Variants in RCAN2 observed in about 807,000 individuals in gnomAD.
The protein encoded by RCAN2 is calcipressin-2.
In RCAN2, 9 loss-of-function variants were observed where a neutral mutation model predicts 23.6. The ratio of observed to expected loss-of-function variants is 0.38; its 90% confidence interval spans 0.23 to 0.67. The LOEUF (loss-of-function observed/expected upper bound fraction) is 0.67, where lower values mean the gene tolerates loss of function less well. Ranked by LOEUF, RCAN2 falls within the 30% of genes least tolerant of loss-of-function variation. The pLI is 0.51. For synonymous variants in RCAN2, 109 were observed against 115.7 expected, an observed-to-expected ratio of 0.94 and a Z score of 0.37; for missense variants, 273 against 302.3, an observed-to-expected ratio of 0.90 and a Z score of 0.72.
At chr6:46,454,847 G>A (rs1767974109) in intron 2 of RCAN2, among the ~76,000 whole-genome samples, 1 of 152,116 alleles carries the variant, frequency 6.6e-6, no homozygotes, top group Admixed American at 6.5e-5. Context: ...AGACTCCCAT[G>A]AACTCCCCCC....
intron 2 of RCAN2, among the ~76,000 whole-genome samples, chr6:46,319,795 A>G (rs1324138286): frequency 6.6e-6 from 1 of 152,194 alleles, no homozygotes; most frequent in Non-Finnish European, 1.5e-5. Context: ...AAATGGCCTC[A>G]ATTCTAGTCC....
chr6:46,243,069 G>A (rs983040961), intron 4 of RCAN2, among the ~76,000 whole-genome samples: 1 of 152,176 alleles, frequency 6.6e-6, no homozygotes, highest in African/African-American at 2.4e-5. Context: ...GGAGACTGAA[G>A]GAGCAACCTC....
At chr6:46,290,091 G>A (rs1762498799) in intron 2 of RCAN2, among the ~76,000 whole-genome samples, 9 of 151,972 alleles carry the variant, frequency 5.9e-5, no homozygotes, top group Admixed American at 5.9e-4. Context: ...GTGGGGCAAA[G>A]CTACCGACCC....
intron 2 of RCAN2, among the ~76,000 whole-genome samples, chr6:46,296,883 G>T (rs1016321998): frequency 6.6e-6 from 1 of 152,058 alleles, no homozygotes; most frequent in Non-Finnish European, 1.5e-5. Flanking sequence ...TTTTAATGGA[G>T]TAGCCACAAT....
intron 2 of RCAN2, among the ~76,000 whole-genome samples, chr6:46,284,330 G>A (rs151128629): frequency 1.8e-3 from 277 of 152,240 alleles, no homozygotes; most frequent in African/African-American, 6.3e-3. Context: ...AGGGATGTGG[G>A]GGTGTAATTG....
In RCAN2 at chr6:46,392,063, T is replaced by C. The variant is rs530335378; in HGVS notation, c.225+64689A>G. 4.4e-4 allele frequency among the ~76,000 whole-genome samples: 67 copies of C among 152,318 alleles called. 1 individual carries two copies. In the South Asian group the frequency reaches 0.013, roughly 29 times the overall value. On this transcript the variant is annotated intron_variant, in intron 2 of 4. Coordinates refer to ENST00000371374, the MANE Select transcript of RCAN2 (RefSeq NM_001251974.2). ...ATAAATGCCACAAAGATTTATGAGA[T>C]GTCATTAATTACAAGCTTAATAGGC...
intron 2 of RCAN2, among the ~76,000 whole-genome samples, chr6:46,407,022 A>C (rs1027309346): frequency 6.6e-6 from 1 of 152,176 alleles, no homozygotes; most frequent in Non-Finnish European, 1.5e-5. Context: ...CAAAACCCCA[A>C]AGCAAAGTCT....
At chr6:46,317,757 G>T (rs1004917592) in intron 2 of RCAN2, among the ~76,000 whole-genome samples, 1 of 152,144 alleles carries the variant, frequency 6.6e-6, no homozygotes, top group Non-Finnish European at 1.5e-5. Flanking sequence ...AAGGCACCGC[G>T]CCCGGCCTAT....
chr6:46,243,740 G>T (rs1440585012), intron 4 of RCAN2, among the ~76,000 whole-genome samples: 2 of 150,136 alleles, frequency 1.3e-5, no homozygotes, highest in African/African-American at 4.9e-5. Context: ...AACCCGGGAG[G>T]AGGAGGTTGC....
At chr6:46,390,518 C>T (rs9381447) in intron 2 of RCAN2, among the ~76,000 whole-genome samples, 62,041 of 152,080 alleles carry the variant, frequency 0.41, 15,615 homozygotes, top group East Asian at 0.59. Flanking sequence ...ACATTTGGAA[C>T]TTTCCTACGT....
At chr6:46,340,120 T>C (rs1013540851) in intron 2 of RCAN2, among the ~76,000 whole-genome samples, 2 of 152,216 alleles carry the variant, frequency 1.3e-5, no homozygotes, top group African/African-American at 4.8e-5. Context: ...ATCACATCTT[T>C]GCTTCCTTTC....
At chr6:46,255,463 A>G (rs1020822349) in intron 2 of RCAN2, among the ~76,000 whole-genome samples, 1 of 152,228 alleles carries the variant, frequency 6.6e-6, no homozygotes, top group African/African-American at 2.4e-5. Flanking sequence ...TAGGAATGAC[A>G]TAGTGGGAAA....
intron 2 of RCAN2, among the ~76,000 whole-genome samples, chr6:46,259,321 G>A (rs1275045054): frequency 6.6e-6 from 1 of 152,156 alleles, no homozygotes; most frequent in African/African-American, 2.4e-5. Context: ...TGAATACAAT[G>A]CTAGGGCTCT....
intron 3 of RCAN2, 135 bp downstream of exon 3, chr6:46,248,588 T>C (rs1304600682): frequency 1.5e-6 from 1 of 689,298 alleles, no homozygotes; most frequent in Non-Finnish European, 2.3e-6. Context: ...GAAATCATGA[T>C]GTGGGTCTAT....
At chr6:46,429,579 G>A (rs1204136993) in intron 2 of RCAN2, among the ~76,000 whole-genome samples, 1 of 152,076 alleles carries the variant, frequency 6.6e-6, no homozygotes, top group African/African-American at 2.4e-5. Context: ...GTCTCTATCA[G>A]TACAAGCAGA....
At chr6:46,419,534 G>A (rs961418103) in intron 2 of RCAN2, among the ~76,000 whole-genome samples, 2 of 152,034 alleles carry the variant, frequency 1.3e-5, no homozygotes, top group African/African-American at 4.8e-5. Flanking sequence ...CTTTCCCTGG[G>A]ACCCTGTTTT....
chr6:46,363,145 C>A (rs1765065133), intron 2 of RCAN2, among the ~76,000 whole-genome samples: 1 of 152,142 alleles, frequency 6.6e-6, no homozygotes, highest in South Asian at 2.1e-4. Flanking sequence ...AACTGCTGTG[C>A]AAGCCATCAC....
chr6:46,455,789 G>A (rs529204167), intron 2 of RCAN2, among the ~76,000 whole-genome samples: 3 of 151,330 alleles, frequency 2.0e-5, no homozygotes, highest in Admixed American at 6.6e-5. Flanking sequence ...CCAAGGAGGT[G>A]GAGCTGGCAG....
intron 1 of RCAN2, among the ~76,000 whole-genome samples, chr6:46,470,595 A>G (rs778881148): frequency 2.0e-5 from 3 of 152,246 alleles, no homozygotes; most frequent in Non-Finnish European, 4.4e-5. Context: ...TGTTCACTAA[A>G]TAAATCAAGC....
Sources: gnomAD v4.1 joint callset for allele counts (sites outside exome capture counted in the v4.1 genomes callset) on GRCh38, gnomAD v4.1.1 for gene constraint, MANE v1.5 for transcripts, NCBI Gene and HGNC (gene_info 2026-07-23, HGNC 2026-07-21) for gene names.